TLN2: variants seen among roughly 807,000 people sequenced by gnomAD.
TLN2 encodes the protein talin 2.
In TLN2, 118 loss-of-function variants were observed where a neutral mutation model predicts 294.7. The observed-to-expected ratio is 0.40, with a 90% CI of 0.34 to 0.47. The LOEUF is 0.47. TLN2 is among the 20% of genes least tolerant of loss of function. TLN2 has a pLI of 0.84. For synonymous variants in TLN2, 1,431 were observed against 1,304.5 expected (o/e 1.10, Z -2.09); for missense variants, 3,083 against 3,282.2 (o/e 0.94, Z 1.48).
intron 1 of TLN2, among the ~76,000 whole-genome samples, chr15:62,565,438 TAG>T (rs2043316307): frequency 4.0e-5 from 6 of 151,728 alleles, no homozygotes; most frequent in Admixed American, 3.9e-4. Context: ...CATTGCCCAA[TAG>T]AGGGATTTAG....
At position 62,611,177 on chromosome 15, in the gene TLN2, T is replaced by TTA. The variant is rs1415137547; in HGVS notation, c.-161-7170_-161-7169dup. Among the ~76,000 whole-genome samples the TTA allele has an allele frequency of 5.3e-5, 8 of 152,332 alleles. No individual in the cohort carries two copies. The East Asian group carries it at 1.5e-3, about 29-fold the overall frequency. On this transcript the variant is annotated intron_variant, in intron 2 of 58. Coordinates refer to ENST00000636159, the MANE Select transcript of TLN2 (RefSeq NM_015059.3). The stretch of plus-strand genomic sequence containing the variant: ...ATATTAACATATTTATAAAGCCTCT[T>TTA]TATATCCTCATAATTGAAAATAATG...
At chr15:62,625,346 C>G (rs1197945877) in intron 3 of TLN2, among the ~76,000 whole-genome samples, 1 of 152,140 alleles carries the variant, frequency 6.6e-6, no homozygotes, top group East Asian at 1.9e-4. Context: ...GTTGTGGAGT[C>G]CCCTCCACTA....
Position 62,701,230 on chromosome 15 carries a change from A to G in TLN2, c.1696+16A>G, listed in dbSNP as rs2058700455. ...CTCACAGCTGGTAAGTCCCGGAGAG[A>G]TTTGTGCTGCATTGGGGTTTTGTTT... On this transcript the variant is annotated intron_variant, in intron 17 of 58. Transcript: ENST00000636159. The G allele has an allele frequency of 6.3e-7, 1 of 1,597,042 alleles. No homozygotes were observed.
intron 1 of TLN2, among the ~76,000 whole-genome samples, chr15:62,424,729 T>C (rs535440261): frequency 1.3e-5 from 2 of 152,246 alleles, no homozygotes; most frequent in East Asian, 3.9e-4. Flanking sequence ...CTTGGCTCAC[T>C]GCAATCTCTG....
chr15:62,665,987 A>C lies in TLN2; in HGVS notation c.789-7840A>C, dbSNP rs143133678. The stretch of plus-strand genomic sequence containing the variant: ...GCTCTCCTATCCTCTCAGTATTGGG[A>C]GGTAGTGACCATTCAATAGTGTCTG... On this transcript the variant is annotated intron_variant, in intron 9 of 58. Coordinates refer to ENST00000636159, the MANE Select transcript of TLN2 (RefSeq NM_015059.3). Among the ~76,000 whole-genome samples, 890 of 152,236 alleles carry C rather than the reference A, an allele frequency of 5.8e-3. 5 individuals are homozygous for C. The highest frequency in any genetic ancestry group is 0.018 in the African/African-American group (732 of 41,546).
chr15:62,428,122 AGATT>A (rs2034817803), intron 1 of TLN2, among the ~76,000 whole-genome samples: 1 of 152,132 alleles, frequency 6.6e-6, no homozygotes, highest in Non-Finnish European at 1.5e-5. Context: ...CCAAGAAAGG[AGATT>A]GATTTATTTA....
At chr15:62,645,857 T>C (rs552947021) in intron 3 of TLN2, among the ~76,000 whole-genome samples, 1 of 152,316 alleles carries the variant, frequency 6.6e-6, no homozygotes, top group South Asian at 2.1e-4. Flanking sequence ...GGCCTTGTTT[T>C]GCTTGCTAGG....
intron 54 of TLN2, among the ~76,000 whole-genome samples, chr15:62,822,290 GA>G (rs2067637772): frequency 6.6e-6 from 1 of 152,206 alleles, no homozygotes; most frequent in South Asian, 2.1e-4. Flanking sequence ...AGACTTGGTA[GA>G]TAGTAACTAT....
intron 1 of TLN2, among the ~76,000 whole-genome samples, chr15:62,397,011 G>A (rs1293015318): frequency 6.6e-6 from 1 of 152,108 alleles, no homozygotes; most frequent in Non-Finnish European, 1.5e-5. Flanking sequence ...GGCCTGAGAA[G>A]CCTTTCTAGA....
At chr15:62,496,322 C>G (rs1367568407) in intron 1 of TLN2, among the ~76,000 whole-genome samples, 3 of 151,984 alleles carry the variant, frequency 2.0e-5, no homozygotes, top group Non-Finnish European at 4.4e-5. Flanking sequence ...AGTTCACAAG[C>G]CTGGCTGTGC....
intron 28 of TLN2, among the ~76,000 whole-genome samples, chr15:62,728,827 C>A (rs1023919973): frequency 6.6e-6 from 1 of 151,940 alleles, no homozygotes; most frequent in Non-Finnish European, 1.5e-5. Flanking sequence ...TCTTAAAGTG[C>A]CTTTTGATGA....
intron 9 of TLN2, 135 bp downstream of exon 9, chr15:62,658,033 C>A: frequency 1.1e-6 from 1 of 887,818 alleles, no homozygotes. Flanking sequence ...TTTCTTCCAT[C>A]GAGTAGATGA....
In TLN2 at chr15:62,576,837, A is replaced by T. The variant is rs138916198; in HGVS notation, c.-237-12850A>T. Among the ~76,000 whole-genome samples, 781 of 152,248 alleles carry T rather than the reference A, an allele frequency of 5.1e-3. 7 individuals carry two copies. Among genetic ancestry groups the T allele is most frequent in the African/African-American group, 0.018 (758 of 41,536 alleles). Reference sequence around the variant, plus strand: ...GAAATCCGAGGGAAACACTGAGAACATAAATAGGGAAGTAGAAAGTCCTTG... The same window carrying T: ...GAAATCCGAGGGAAACACTGAGAACTTAAATAGGGAAGTAGAAAGTCCTTG... On this transcript the variant is annotated intron_variant, in intron 1 of 58. Transcript: ENST00000636159.
At chr15:62,629,332 A>G (rs758092868) in intron 3 of TLN2, among the ~76,000 whole-genome samples, 1 of 152,250 alleles carries the variant, frequency 6.6e-6, no homozygotes, top group Non-Finnish European at 1.5e-5. Context: ...ATGTGTGATC[A>G]GTACATGGTG....
intron 54 of TLN2, chr15:62,832,784 C>G (rs1377545503): frequency 6.6e-6 from 1 of 151,570 alleles, no homozygotes; most frequent in Non-Finnish European, 1.5e-5. Context: ...TGCTGTTTGG[C>G]TTTGATTTTT....
intron 12 of TLN2, among the ~76,000 whole-genome samples, chr15:62,692,248 C>T (rs2057983838): frequency 6.6e-6 from 1 of 152,204 alleles, no homozygotes; most frequent in Admixed American, 6.5e-5. Context: ...GCAGAGGGCA[C>T]TGGAGCTGAG....
intron 27 of TLN2, 48 bp downstream of exon 27, chr15:62,725,152 C>G: frequency 6.4e-7 from 1 of 1,564,320 alleles, no homozygotes. Context: ...TTTGTTATGA[C>G]GTTATTAAAT....
intron 1 of TLN2, among the ~76,000 whole-genome samples, chr15:62,437,815 C>G (rs1400827187): frequency 6.6e-6 from 1 of 151,894 alleles, no homozygotes; most frequent in Non-Finnish European, 1.5e-5. Context: ...GCCTCTGCAT[C>G]CTGAGCTATA....
intron 1 of TLN2, among the ~76,000 whole-genome samples, chr15:62,549,425 G>A (rs1275631043): frequency 1.3e-5 from 2 of 151,832 alleles, no homozygotes; most frequent in South Asian, 2.1e-4. Context: ...GTGAGCCACC[G>A]CCCCTGGCCA....
Sources: allele counts gnomAD v4.1 joint callset (sites outside exome capture counted in the v4.1 genomes callset), GRCh38; gene constraint gnomAD v4.1.1; transcripts MANE v1.5; gene names NCBI Gene and HGNC (gene_info 2026-07-23, HGNC 2026-07-21).